Variants in LAMA2 observed in about 807,000 individuals in gnomAD.
The protein encoded by LAMA2 is laminin subunit alpha 2.
LAMA2 carries 269 observed loss-of-function variants against 364.8 expected under a neutral mutation model. The ratio of observed to expected loss-of-function variants is 0.74; its 90% confidence interval spans 0.67 to 0.82. The LOEUF (loss-of-function observed/expected upper bound fraction) is 0.82, where lower values mean the gene tolerates loss of function less well. Among genes scored for constraint, LAMA2 ranks in the 40% least tolerant of loss-of-function variants. LAMA2 has a pLI of 0.00. For missense variants in LAMA2, 3,807 were observed against 3,873.2 expected (o/e 0.98, Z 0.45); for synonymous variants, 1,379 against 1,370.6 (o/e 1.01, Z -0.14).
intron 1 of LAMA2, among the ~76,000 whole-genome samples, chr6:128,975,730 C>CT (rs1782490047): frequency 6.6e-6 from 1 of 152,194 alleles, no homozygotes; most frequent in South Asian, 2.1e-4. Context: ...CACATGCCCT[C>CT]TTGCCTGCCA....
At chr6:128,979,998 T>G (rs1439795005) in intron 1 of LAMA2, among the ~76,000 whole-genome samples, 1 of 152,200 alleles carries the variant, frequency 6.6e-6, no homozygotes, top group Non-Finnish European at 1.5e-5. Flanking sequence ...GCTGCAATAA[T>G]GAACAACCCC....
chr6:128,989,558 G>A (rs1783475870), intron 1 of LAMA2, among the ~76,000 whole-genome samples: 1 of 152,160 alleles, frequency 6.6e-6, no homozygotes, highest in Non-Finnish European at 1.5e-5. Context: ...ATTAAAATCT[G>A]CCTTGCACCG....
rs138260000 is a variant in LAMA2, at chr6:129,141,348, C to T, written c.640-2553C>T. Among the ~76,000 whole-genome samples the T allele has an allele frequency of 6.5e-3, 991 of 152,108 alleles. 10 individuals are homozygous for T. Among genetic ancestry groups the T allele is most frequent in the African/African-American group, 0.023 (946 of 41,520 alleles). ...GCTCACCTGCTAGGTGCCAGAAATG[C>T]GGATCTTGAGGAATATACAAGATCT... On this transcript the variant is annotated intron_variant, in intron 4 of 64. Coordinates refer to ENST00000421865, the MANE Select transcript of LAMA2 (RefSeq NM_000426.4).
rs184334214 is a variant in LAMA2, at chr6:129,158,108, A to G, written c.1206+3425A>G. ...TGTGCAGGTGGCACAGACCACAGGC[A>G]GCTGAATAAGCCAATTTAAGCAGGG... On this transcript the variant is annotated intron_variant, in intron 8 of 64. Coordinates refer to ENST00000421865, the MANE Select transcript of LAMA2 (RefSeq NM_000426.4). The G allele has an allele frequency of 1.6e-5, 26 of 1,612,274 alleles. No individual in the cohort carries two copies. In the East Asian group the frequency reaches 5.1e-4, roughly 32 times the overall value.
chr6:129,391,096 C>A (rs1207571436), intron 35 of LAMA2, among the ~76,000 whole-genome samples: 3 of 152,166 alleles, frequency 2.0e-5, no homozygotes, highest in Non-Finnish European at 4.4e-5. Flanking sequence ...TATTTTTAAA[C>A]TGACTGATAG....
chr6:129,515,903 C>T (rs1362506940), intron 64 of LAMA2, among the ~76,000 whole-genome samples: 1 of 152,002 alleles, frequency 6.6e-6, no homozygotes, highest in Non-Finnish European at 1.5e-5. Context: ...GCCTGGGCAA[C>T]ACGGCGAAGG....
At chr6:129,460,139 A>G (rs1783174642) in intron 48 of LAMA2, 61 bp from the exon 49 acceptor site, 3 of 1,544,148 alleles carry the variant, frequency 1.9e-6, no homozygotes, top group Non-Finnish European at 2.7e-6. Flanking sequence ...ACTCTCATGG[A>G]TAAACCAAGA....
intron 1 of LAMA2, among the ~76,000 whole-genome samples, chr6:129,037,270 T>C (rs1786706877): frequency 6.6e-6 from 1 of 152,060 alleles, no homozygotes; most frequent in South Asian, 2.1e-4. Flanking sequence ...TGGCATGAAA[T>C]AGCAGGATAA....
intron 1 of LAMA2, among the ~76,000 whole-genome samples, chr6:128,932,442 A>C (rs563651484): frequency 6.6e-6 from 1 of 152,356 alleles, no homozygotes; most frequent in East Asian, 1.9e-4. Flanking sequence ...ATATAATTCC[A>C]GCCTGAAGAG....
At chr6:128,957,822 G>C (rs2114584658) in intron 1 of LAMA2, among the ~76,000 whole-genome samples, 1 of 117,894 alleles carries the variant, frequency 8.5e-6, no homozygotes, top group Non-Finnish European at 1.7e-5. Flanking sequence ...TTCCCAGGCT[G>C]TACTACTTCA....
At chr6:128,954,038 A>G (rs1171123295) in intron 1 of LAMA2, among the ~76,000 whole-genome samples, 1 of 152,158 alleles carries the variant, frequency 6.6e-6, no homozygotes, top group Non-Finnish European at 1.5e-5. Flanking sequence ...CTTTAGTTCT[A>G]CAGAGAAGTT....
chr6:128,923,242 G>A (rs1341198509), intron 1 of LAMA2, among the ~76,000 whole-genome samples: 2 of 151,552 alleles, frequency 1.3e-5, no homozygotes, highest in African/African-American at 2.4e-5. Flanking sequence ...CCAACTCTGT[G>A]AAGAAAGTCA....
At chr6:128,966,999 G>A (rs1781883366) in intron 1 of LAMA2, among the ~76,000 whole-genome samples, 1 of 152,138 alleles carries the variant, frequency 6.6e-6, no homozygotes, top group South Asian at 2.1e-4. Flanking sequence ...AGTGACTCAA[G>A]TGTAGGTGGG....
chr6:129,015,098 G>A (rs9372913), intron 1 of LAMA2, among the ~76,000 whole-genome samples: 86,383 of 151,956 alleles, frequency 0.57, 28,713 homozygotes, highest in East Asian at 0.96. Flanking sequence ...ATCATTTATA[G>A]ATACAAGCAT....
chr6:129,276,839 A>C (rs1788359599), intron 17 of LAMA2, among the ~76,000 whole-genome samples: 1 of 152,056 alleles, frequency 6.6e-6, no homozygotes, highest in Non-Finnish European at 1.5e-5. Context: ...ATATTTTGAC[A>C]GATAGAATTA....
intron 40 of LAMA2, among the ~76,000 whole-genome samples, chr6:129,411,479 A>T (rs1780536467): frequency 6.6e-6 from 1 of 152,264 alleles, no homozygotes; most frequent in African/African-American, 2.4e-5. Context: ...AGAAAAAATA[A>T]CATTATACAG....
At chr6:129,186,284 A>G (rs1562311228) in intron 10 of LAMA2, among the ~76,000 whole-genome samples, 3 of 151,754 alleles carry the variant, frequency 2.0e-5, no homozygotes, top group Non-Finnish European at 4.4e-5. Context: ...ATCATAAAGG[A>G]AAATAGAAAT....
intron 1 of LAMA2, among the ~76,000 whole-genome samples, chr6:129,021,197 A>G (rs1785427026): frequency 6.6e-6 from 1 of 152,122 alleles, no homozygotes; most frequent in Non-Finnish European, 1.5e-5. Context: ...ATTATAGTAG[A>G]CCCCTGATTG....
At chr6:129,219,564 C>T (rs371999013) in intron 12 of LAMA2, among the ~76,000 whole-genome samples, 1 of 150,182 alleles carries the variant, frequency 6.7e-6, no homozygotes, top group Non-Finnish European at 1.5e-5. Context: ...ATAGCAAAGA[C>T]TTGGAACCAA....
Sources: gnomAD v4.1 joint callset for allele counts (sites outside exome capture counted in the v4.1 genomes callset) on GRCh38, gnomAD v4.1.1 for gene constraint, MANE v1.5 for transcripts, NCBI Gene and HGNC (gene_info 2026-07-23, HGNC 2026-07-21) for gene names.